NUP210: variants seen among roughly 807,000 people sequenced by gnomAD.
NUP210 encodes the protein nucleoporin 210.
NUP210 carries 151 observed loss-of-function variants against 196.0 expected under a neutral mutation model. The observed-to-expected ratio is 0.77, with a 90% CI of 0.67 to 0.88. The LOEUF (loss-of-function observed/expected upper bound fraction) is 0.88, where lower values mean the gene tolerates loss of function less well. NUP210 is among the 40% of genes least tolerant of loss of function. The pLI is 0.00. For missense variants in NUP210, 2,314 were observed against 2,493.7 expected (o/e 0.93, Z 1.53); for synonymous variants, 1,070 against 1,052.7 (o/e 1.02, Z -0.32).
chr3:13,356,941 AG>A (rs1175705918), intron 16 of NUP210, among the ~76,000 whole-genome samples: 13 of 152,262 alleles, frequency 8.5e-5, no homozygotes, highest in Non-Finnish European at 1.5e-5. Flanking sequence ...GACAACGCTA[AG>A]GACAGGGAAG....
rs368251837 is a variant in NUP210 at position 13,376,315 on chromosome 3, C to T, written c.1269G>A (p.Ala423=). 3.5e-5 allele frequency: 56 copies of T among 1,613,856 alleles called. No individual in the cohort carries two copies. The highest frequency in any genetic ancestry group is 4.2e-5 in the Non-Finnish European group (50 of 1,180,034). The change falls in exon 10 of 40, where the codon GCG becomes GCA. Residue 423 remains alanine, a synonymous_variant. Coordinates refer to ENST00000254508, the MANE Select transcript of NUP210 (RefSeq NM_024923.4). ...CCTGGTCCACCACAGAGGTGAGGGC[C>T]GCGTCAATGGCCGTCTGTCCCCTCT... The part of the protein sequence containing the change: ...ALKRGQTAID[A]ALTSVVDQDG...
intron 6 of NUP210, among the ~76,000 whole-genome samples, chr3:13,384,246 C>T (rs936499511): frequency 2.6e-5 from 4 of 152,254 alleles, no homozygotes; most frequent in African/African-American, 9.6e-5. Flanking sequence ...TGGGCGTGAG[C>T]CACCACGCCC....
Position 13,348,481 on chromosome 3 carries a change from C to A in NUP210, c.2835+3398G>T. The A allele has an allele frequency of 1.0e-6, 1 of 985,406 alleles. No homozygotes were observed. The highest frequency in any genetic ancestry group is 1.2e-6 in the Non-Finnish European group (1 of 829,924). The allele number at this position is 985,406 out of a possible 1,614,324, so 61.0% of individuals were successfully genotyped here. On this transcript the variant is annotated intron_variant, in intron 20 of 39. Transcript: ENST00000254508. This position sits in a 1 kb window ranked among gnomAD's most constrained non-coding sequence, Gnocchi z 4.0. ...ACACATTTTTCCCTAACTTGGAACT[C>A]CCCTCTTCTTGGTAATGGGGAAGTT...
chr3:13,389,615 C>A (rs1699415714), intron 4 of NUP210, among the ~76,000 whole-genome samples: 1 of 152,152 alleles, frequency 6.6e-6, no homozygotes, highest in South Asian at 2.1e-4. Flanking sequence ...TCCACAAGGG[C>A]AACTCGGCTC....
intron 15 of NUP210, 128 bp downstream of exon 15, chr3:13,360,142 G>C: frequency 3.7e-6 from 3 of 800,442 alleles, no homozygotes; most frequent in Non-Finnish European, 5.9e-6. Flanking sequence ...TTGCCTGTCT[G>C]TAAAATGGGT....
intron 8 of NUP210, among the ~76,000 whole-genome samples, chr3:13,378,054 C>T (rs888480100): frequency 2.0e-5 from 3 of 152,222 alleles, no homozygotes; most frequent in Non-Finnish European, 4.4e-5. Context: ...CCAGGACCAA[C>T]CCTGGACTCA....
At chr3:13,382,717 C>A (rs1027516175) in intron 6 of NUP210, among the ~76,000 whole-genome samples, 1 of 152,214 alleles carries the variant, frequency 6.6e-6, no homozygotes, top group African/African-American at 2.4e-5. Flanking sequence ...TGCTCTGAGG[C>A]TTCCACAGGA....
intron 18 of NUP210, 113 bp from the exon 19 acceptor site, chr3:13,352,297 T>C: frequency 1.4e-6 from 1 of 714,686 alleles, no homozygotes; most frequent in Non-Finnish European, 2.4e-6. Flanking sequence ...CACAAGCCCC[T>C]GGTGCTCCTG....
At chr3:13,332,645 T>C (rs1697043570) in intron 28 of NUP210, among the ~76,000 whole-genome samples, 1 of 152,160 alleles carries the variant, frequency 6.6e-6, no homozygotes, top group South Asian at 2.1e-4. Context: ...TAGCCAGGCA[T>C]GGAGTGTGCA....
intron 5 of NUP210, 69 bp from the exon 6 acceptor site, chr3:13,386,476 G>A: frequency 1.3e-6 from 2 of 1,568,670 alleles, no homozygotes; most frequent in South Asian, 1.1e-5. Context: ...GTGTGAGCAA[G>A]AGAAAGAGAT....
intron 1 of NUP210, among the ~76,000 whole-genome samples, chr3:13,418,235 C>G (rs1444144689): frequency 5.3e-5 from 8 of 152,192 alleles, no homozygotes; most frequent in Non-Finnish European, 8.8e-5. Flanking sequence ...GCATAAAGCA[C>G]TAAAACCAAA....
intron 31 of NUP210, among the ~76,000 whole-genome samples, chr3:13,328,230 C>T (rs1028866156): frequency 6.6e-6 from 1 of 152,224 alleles, no homozygotes; most frequent in Non-Finnish European, 1.5e-5. Flanking sequence ...GCCAGCGGTC[C>T]TCATGACCAC....
intron 39 of NUP210, among the ~76,000 whole-genome samples, chr3:13,318,282 C>T (rs1696355674): frequency 6.6e-6 from 1 of 152,178 alleles, no homozygotes. Flanking sequence ...AGCAGAGCCG[C>T]GAGGAGGCCG....
intron 1 of NUP210, among the ~76,000 whole-genome samples, chr3:13,410,067 G>A (rs986395205): frequency 2.1e-5 from 3 of 146,222 alleles, no homozygotes; most frequent in Non-Finnish European, 4.5e-5. Context: ...TCACCGTGTT[G>A]CCCAGGCTGG....
intron 14 of NUP210, among the ~76,000 whole-genome samples, chr3:13,362,508 G>A (rs1698403516): frequency 6.6e-6 from 1 of 152,330 alleles, no homozygotes; most frequent in Non-Finnish European, 1.5e-5. Context: ...AATTTCTGTT[G>A]TTTATAAGCT....
At chr3:13,372,328 C>T (rs930515808) in intron 12 of NUP210, among the ~76,000 whole-genome samples, 1 of 152,198 alleles carries the variant, frequency 6.6e-6, no homozygotes, top group African/African-American at 2.4e-5. Flanking sequence ...CAGGCCAGCA[C>T]CTTGGAGGAA....
chr3:13,401,291 C>G (rs1301187521), intron 1 of NUP210, among the ~76,000 whole-genome samples: 3 of 78,826 alleles, frequency 3.8e-5, no homozygotes, highest in Non-Finnish European at 8.7e-5. Flanking sequence ...GGCAATGGTG[C>G]GGAACACACC....
chr3:13,403,353 A>C (rs1405547491), intron 1 of NUP210, among the ~76,000 whole-genome samples: 1 of 152,172 alleles, frequency 6.6e-6, no homozygotes, highest in Non-Finnish European at 1.5e-5. Context: ...CACTGTTGTC[A>C]CATGGCAGAA....
At chr3:13,349,334 C>T (rs886934675) in intron 20 of NUP210, among the ~76,000 whole-genome samples, 1 of 152,208 alleles carries the variant, frequency 6.6e-6, no homozygotes, top group Non-Finnish European at 1.5e-5. Flanking sequence ...CTTTTCTTTT[C>T]TTACCATGCC....
Sources: allele counts gnomAD v4.1 joint callset (sites outside exome capture counted in the v4.1 genomes callset), GRCh38; gene constraint gnomAD v4.1.1; non-coding constraint Gnocchi (gnomAD v3.1); transcripts MANE v1.5; gene names NCBI Gene and HGNC (gene_info 2026-07-23, HGNC 2026-07-21).